Variants in DPP6 observed in about 807,000 individuals in gnomAD.
DPP6 encodes the protein A-type potassium channel modulatory protein DPP6.
In DPP6, 69 loss-of-function variants were observed where a neutral mutation model predicts 122.6. That is an observed-to-expected ratio of 0.56 (90% CI 0.46 to 0.69). DPP6 has a LOEUF of 0.69. Ranked by LOEUF, DPP6 falls within the 30% of genes least tolerant of loss-of-function variation. DPP6 has a pLI of 0.00. For missense variants in DPP6, 928 were observed against 1,116.9 expected (o/e 0.83, Z 2.41); for synonymous variants, 418 against 433.1 (o/e 0.97, Z 0.43).
intron 1 of DPP6, among the ~76,000 whole-genome samples, chr7:154,037,440 A>G (rs1799594191): frequency 6.7e-6 from 1 of 150,160 alleles, no homozygotes; most frequent in Non-Finnish European, 1.5e-5. Context: ...GCAAATATTT[A>G]TAGAGTTGTT....
chr7:154,246,903 T>C (rs1802015869), intron 1 of DPP6, among the ~76,000 whole-genome samples: 1 of 152,224 alleles, frequency 6.6e-6, no homozygotes, highest in Non-Finnish European at 1.5e-5. Context: ...ATGTTACAAC[T>C]TTTGTGCTGG....
intron 1 of DPP6, among the ~76,000 whole-genome samples, chr7:154,296,402 A>G (rs1259932371): frequency 1.3e-5 from 2 of 152,142 alleles, no homozygotes; most frequent in Non-Finnish European, 2.9e-5. Context: ...TCCCTCTTCT[A>G]TTAGACGGTG....
intron 1 of DPP6, among the ~76,000 whole-genome samples, chr7:154,426,908 G>T (rs901449190): frequency 1.3e-5 from 2 of 151,680 alleles, no homozygotes; most frequent in Non-Finnish European, 2.9e-5. Flanking sequence ...TCCTACCCTA[G>T]GAGTCAAAAG....
rs74446501 is a variant in DPP6, at chr7:154,291,774, A to C, written c.244-154440A>C. On this transcript the variant is annotated intron_variant, in intron 1 of 25. Transcript: ENST00000377770. Reference sequence around the variant, plus strand: ...ATTGACCATGTTTTACCATATTCTCATCTTGTCCTTAGAAGGTTGCACAGA... The same window carrying C: ...ATTGACCATGTTTTACCATATTCTCCTCTTGTCCTTAGAAGGTTGCACAGA... Among the ~76,000 whole-genome samples the C allele has an allele frequency of 5.7e-3, 864 of 152,326 alleles. 9 individuals are homozygous for C. Among genetic ancestry groups the C allele is most frequent in the East Asian group, 0.043 (223 of 5,178 alleles).
chr7:154,265,708 G>A (rs1228087685), intron 1 of DPP6, among the ~76,000 whole-genome samples: 1 of 152,106 alleles, frequency 6.6e-6, no homozygotes, highest in Non-Finnish European at 1.5e-5. Flanking sequence ...GTCAGTAGAG[G>A]GAGATGAGGA....
At chr7:153,968,475 A>G (rs544643185) in intron 1 of DPP6, among the ~76,000 whole-genome samples, 65 of 152,144 alleles carry the variant, frequency 4.3e-4, no homozygotes, top group Non-Finnish European at 1.0e-4. Flanking sequence ...AAAAATGGAC[A>G]TTTTTAAAGC....
chr7:154,417,895 A>G (rs934180761), intron 1 of DPP6, among the ~76,000 whole-genome samples: 2 of 152,198 alleles, frequency 1.3e-5, no homozygotes, highest in Non-Finnish European at 2.9e-5. Flanking sequence ...TGTTTTGCCA[A>G]AGGGCCATTA....
At chr7:153,885,237 C>G (rs1023780493), upstream of DPP6, among the ~76,000 whole-genome samples, 1 of 152,024 alleles carries the variant, frequency 6.6e-6, no homozygotes, top group African/African-American at 2.4e-5. Context: ...CCACACTCAA[C>G]TGGGTTTATC....
chr7:154,165,162 C>G (rs1027705472), intron 1 of DPP6, among the ~76,000 whole-genome samples: 2 of 143,834 alleles, frequency 1.4e-5, no homozygotes, highest in East Asian at 2.1e-4. Flanking sequence ...CCCCCTCCCC[C>G]CAACCCACAA....
chr7:154,876,645 G>A (rs1311865256), intron 20 of DPP6, among the ~76,000 whole-genome samples: 1 of 152,214 alleles, frequency 6.6e-6, no homozygotes, highest in Non-Finnish European at 1.5e-5. Flanking sequence ...GACTCAGCAA[G>A]AGCAACCGAC....
At chr7:154,562,911 C>T (rs80008639) in intron 4 of DPP6, among the ~76,000 whole-genome samples, 3,796 of 152,178 alleles carry the variant, frequency 0.025, 149 homozygotes, top group East Asian at 0.086. Flanking sequence ...CTGAAAACTG[C>T]AAAACATTGC....
At position 154,893,759 on chromosome 7, in the gene DPP6, C is replaced by T. The variant is rs953138014; in HGVS notation, c.*1279C>T. 7 of 152,252 alleles carry T rather than the reference C, an allele frequency of 4.6e-5. No homozygotes were observed. The highest frequency in any genetic ancestry group is 2.0e-4 in the Admixed American group (3 of 15,284). 9.4% of individuals were successfully genotyped at this position (152,252 alleles called of 1,614,324 possible). On this transcript the variant is annotated 3_prime_UTR_variant, in exon 26 of 26. Transcript: ENST00000377770. ...GGCCTCTGTGCAGTCAACCCAGCCTCCTCCCGCCAGTGCTAACCCCGTGTT... is the reference window on the plus strand; with the variant it reads ...GGCCTCTGTGCAGTCAACCCAGCCTTCTCCCGCCAGTGCTAACCCCGTGTT...
At chr7:154,551,836 A>G (rs899094293) in intron 4 of DPP6, among the ~76,000 whole-genome samples, 5 of 152,124 alleles carry the variant, frequency 3.3e-5, no homozygotes, top group Admixed American at 2.0e-4. Context: ...GTTGGAGGTG[A>G]AAGGGACAAA....
At chr7:153,963,274 C>T (rs954777502) in intron 1 of DPP6, among the ~76,000 whole-genome samples, 13 of 151,832 alleles carry the variant, frequency 8.6e-5, no homozygotes, top group African/African-American at 2.7e-4. Context: ...TGCCACCCCT[C>T]GGTTTCCCGA....
At chr7:154,667,395 A>G (rs187670032) in intron 6 of DPP6, among the ~76,000 whole-genome samples, 1 of 152,336 alleles carries the variant, frequency 6.6e-6, no homozygotes, top group East Asian at 1.9e-4. Context: ...TTCAAGAGGA[A>G]TTAACCTATG....
intron 1 of DPP6, among the ~76,000 whole-genome samples, chr7:154,353,660 A>C (rs930786293): frequency 6.6e-6 from 1 of 152,172 alleles, no homozygotes; most frequent in Non-Finnish European, 1.5e-5. Flanking sequence ...CTTGAACTCC[A>C]GCCAAATAAG....
chr7:154,105,031 G>T (rs986940074), intron 1 of DPP6, among the ~76,000 whole-genome samples: 4 of 152,234 alleles, frequency 2.6e-5, no homozygotes, highest in African/African-American at 7.2e-5. Context: ...CAGAGGCTGA[G>T]GTGGGAGGAC....
At chr7:154,480,175 C>G (rs1193544111) in intron 3 of DPP6, among the ~76,000 whole-genome samples, 2 of 152,158 alleles carry the variant, frequency 1.3e-5, no homozygotes, top group Non-Finnish European at 2.9e-5. Context: ...CTATCATGAA[C>G]GAAATGTGGT....
At chr7:154,865,951 A>G (rs189407022) in intron 17 of DPP6, among the ~76,000 whole-genome samples, 23 of 152,346 alleles carry the variant, frequency 1.5e-4, no homozygotes, top group Admixed American at 5.2e-4. Flanking sequence ...ATAGGACTGA[A>G]CACTGATACC....
Sources: allele counts gnomAD v4.1 joint callset (sites outside exome capture counted in the v4.1 genomes callset), GRCh38; gene constraint gnomAD v4.1.1; transcripts MANE v1.5; gene names NCBI Gene and HGNC (gene_info 2026-07-23, HGNC 2026-07-21).